The following NCALD variants were observed in gnomAD, a reference collection of about 807,000 sequenced individuals.
The protein encoded by NCALD is neurocalcin delta.
NCALD carries 10 observed loss-of-function variants against 18.6 expected under a neutral mutation model. The ratio of observed to expected loss-of-function variants is 0.54; its 90% CI spans 0.33 to 0.91. NCALD has a LOEUF of 0.91. NCALD is among the 40% of genes least tolerant of loss of function. The pLI is 0.03. For synonymous variants in NCALD, 88 were observed against 87.4 expected, an observed-to-expected ratio of 1.01 and a Z score of -0.04; for missense variants, 184 against 247.6, an observed-to-expected ratio of 0.74 and a Z score of 1.72.
intron 3 of NCALD, chr8:101,692,376 A>G (rs1814768792): frequency 1.0e-6 from 1 of 985,248 alleles, no homozygotes; most frequent in Non-Finnish European, 1.2e-6. Context: ...GGCAGGCTGG[A>G]GTGAAAGCTG....
chr8:101,707,646 C>T (rs1249066389), intron 2 of NCALD, among the ~76,000 whole-genome samples: 1 of 152,118 alleles, frequency 6.6e-6, no homozygotes, highest in Non-Finnish European at 1.5e-5. Flanking sequence ...GTTCACCTTG[C>T]CTTCATCAGA....
chr8:102,034,534 A>G (rs921496502), intron 1 of NCALD, among the ~76,000 whole-genome samples: 4 of 152,198 alleles, frequency 2.6e-5, no homozygotes, highest in African/African-American at 9.6e-5. Flanking sequence ...ACCTTCCTCT[A>G]TAGTGATGGG....
intron 1 of NCALD, among the ~76,000 whole-genome samples, chr8:101,729,655 A>G (rs547474194): frequency 6.6e-6 from 1 of 152,334 alleles, no homozygotes; most frequent in Admixed American, 6.5e-5. Flanking sequence ...GAGGCTCACT[A>G]GAAACAAATG....
At chr8:102,089,984 T>C (rs1392548482) in intron 1 of NCALD, among the ~76,000 whole-genome samples, 1 of 152,220 alleles carries the variant, frequency 6.6e-6, no homozygotes. Flanking sequence ...AAGAATCTTA[T>C]CTTATGGTCA....
chr8:102,122,597 T>G (rs184625868), intron 1 of NCALD, among the ~76,000 whole-genome samples: 1 of 152,308 alleles, frequency 6.6e-6, no homozygotes, highest in Non-Finnish European at 1.5e-5. Flanking sequence ...TATGCAGCAC[T>G]TACAACAAGG....
intron 2 of NCALD, among the ~76,000 whole-genome samples, chr8:101,990,536 GT>G (rs1820999987): frequency 2.0e-5 from 3 of 152,176 alleles, no homozygotes; most frequent in Admixed American, 2.0e-4. Context: ...AATCATGGGG[GT>G]GTGTCTTTCC....
At chr8:101,900,753 G>C (rs1190263723) in intron 3 of NCALD, among the ~76,000 whole-genome samples, 1 of 151,754 alleles carries the variant, frequency 6.6e-6, no homozygotes, top group Non-Finnish European at 1.5e-5. Context: ...AATTTGTTGA[G>C]GTTTGTTTTA....
intron 1 of NCALD, among the ~76,000 whole-genome samples, chr8:102,050,841 T>C (rs1823427088): frequency 6.8e-6 from 1 of 146,660 alleles, no homozygotes; most frequent in Admixed American, 6.8e-5. Context: ...ATTTAATCAT[T>C]TTTAATTTAA....
At chr8:101,901,272 T>C (rs1008824333) in intron 3 of NCALD, among the ~76,000 whole-genome samples, 17 of 151,772 alleles carry the variant, frequency 1.1e-4, no homozygotes, top group African/African-American at 4.1e-4. Context: ...AGCATATAGT[T>C]GGGGTTTTTT....
chr8:101,913,027 A>G (rs540795258), intron 3 of NCALD, among the ~76,000 whole-genome samples: 14 of 152,302 alleles, frequency 9.2e-5, no homozygotes, highest in African/African-American at 3.1e-4. Context: ...CAGTCCTACA[A>G]TCTCAGCTGG....
intron 2 of NCALD, among the ~76,000 whole-genome samples, chr8:101,695,431 G>T (rs566263362): frequency 6.6e-6 from 1 of 152,116 alleles, no homozygotes; most frequent in African/African-American, 2.4e-5. Flanking sequence ...GCCATAGGAG[G>T]TGTCTCCCAG....
intron 1 of NCALD, among the ~76,000 whole-genome samples, chr8:102,118,984 T>C (rs1587122739): frequency 1.3e-5 from 2 of 152,326 alleles, no homozygotes; most frequent in Middle Eastern, 3.4e-3. Context: ...GGTGGGTATG[T>C]TAAATGGTAC....
At chr8:102,109,870 C>G (rs1209541294) in intron 1 of NCALD, among the ~76,000 whole-genome samples, 3 of 152,124 alleles carry the variant, frequency 2.0e-5, no homozygotes, top group Non-Finnish European at 4.4e-5. Context: ...TTCAAACATT[C>G]AAAGGCATCC....
intron 4 of NCALD, among the ~76,000 whole-genome samples, chr8:101,857,107 T>A (rs1815350710): frequency 6.6e-6 from 1 of 152,214 alleles, no homozygotes; most frequent in South Asian, 2.1e-4. Flanking sequence ...GAATTGCTTA[T>A]GAACCAAGCA....
At chr8:101,777,664 T>C (rs1811849655) in intron 1 of NCALD, among the ~76,000 whole-genome samples, 1 of 152,168 alleles carries the variant, frequency 6.6e-6, no homozygotes, top group Non-Finnish European at 1.5e-5. Context: ...ATCAGCACAC[T>C]GGGGCAGCCA....
intron 1 of NCALD, among the ~76,000 whole-genome samples, chr8:102,055,988 A>G (rs7844243): frequency 0.036 from 5,445 of 152,264 alleles, 306 homozygotes; most frequent in African/African-American, 0.12. Flanking sequence ...ATCCTTAGTG[A>G]TCTTTTAGAG....
chr8:102,086,029 G>T (rs1273514207), intron 1 of NCALD, among the ~76,000 whole-genome samples: 1 of 152,150 alleles, frequency 6.6e-6, no homozygotes, highest in East Asian at 1.9e-4. Flanking sequence ...ATGGGAAAGA[G>T]TCAGCAGTAA....
chr8:101,774,220 G>T (rs960778661), intron 1 of NCALD, among the ~76,000 whole-genome samples: 1 of 152,160 alleles, frequency 6.6e-6, no homozygotes, highest in Admixed American at 6.6e-5. Flanking sequence ...TGAATCAAAA[G>T]AATACAATAT....
At chr8:101,787,363 G>A (rs975066728) in intron 1 of NCALD, among the ~76,000 whole-genome samples, 6 of 152,304 alleles carry the variant, frequency 3.9e-5, no homozygotes, top group Admixed American at 6.5e-5. Context: ...GAGAACACAC[G>A]AAGACAAATT....
Sources: allele counts gnomAD v4.1 joint callset (sites outside exome capture counted in the v4.1 genomes callset), GRCh38; gene constraint gnomAD v4.1.1; transcripts MANE v1.5; gene names NCBI Gene and HGNC (gene_info 2026-07-23, HGNC 2026-07-21).